Variants in MYH9 observed in about 807,000 individuals in gnomAD.
MYH9 encodes myosin-9.
A neutral mutation model predicts 241.9 loss-of-function variants in MYH9; 29 were observed. The observed-to-expected ratio is 0.12, with a 90% confidence interval of 0.09 to 0.16. The LOEUF is 0.16. MYH9 is among the 10% of genes least tolerant of loss of function. The pLI, the probability that MYH9 is intolerant of heterozygous loss-of-function variation, is 1.00. For synonymous variants in MYH9, 1,047 were observed against 1,062.6 expected (o/e 0.99, Z 0.29); for missense variants, 1,803 against 2,595.5 (o/e 0.69, Z 6.63).
rs149663189 is a variant in MYH9, at chr22:36,284,141, G to A, written c.5717C>T (p.Thr1906Met). 2.0e-5 allele frequency: 33 copies of A among 1,614,078 alleles called. No homozygotes were observed. Among genetic ancestry groups the A allele is most frequent in the Admixed American group, 5.0e-5 (3 of 60,018 alleles). Residue 1906 changes from threonine (T) to methionine (M), a missense_variant, in exon 40 of 41, where the codon ACG (threonine) becomes ATG (methionine). Physicochemically the swap from Thr to Met is moderately conservative, Grantham distance 81. Coordinates refer to ENST00000216181, the MANE Select transcript of MYH9 (RefSeq NM_002473.6). ...GACTTCGCGGTTCATGGCATCGGCC[G>A]TCTCAGTGGCGTCCTCCAGCTCGCG... ...LQRELEDATETADAMNREVSS... is the reference protein window; with the variant it reads ...LQRELEDATEMADAMNREVSS...
At chr22:36,365,070 G>C (rs532186820) in intron 1 of MYH9, 1 of 125,506 alleles carries the variant, frequency 8.0e-6, no homozygotes, top group Non-Finnish European at 1.6e-5. Context: ...GACAAAATAA[G>C]CTCCCAGAGC....
rs143269195 is a variant in MYH9 at position 36,288,770 on chromosome 22, C to T, written c.4727G>A (p.Arg1576Gln). Residue 1576 changes from arginine to glutamine, a missense_variant, in exon 33 of 41, where the codon CGG (arginine) becomes CAG (glutamine). Arg to Gln is a conservative substitution (Grantham distance 43, BLOSUM62 1). Transcript: ENST00000216181. The surrounding 1 kb of genome is among the most constrained non-coding windows in gnomAD (Gnocchi z 4.8). ...CTTCTTCTCCTCGCTCTGCTCGTCC[C>T]GGCCCTGCAGGTCCCGCTCGAACTG... ...KAQFERDLQG[R>Q]DEQSEEKKKQ... is the part of the protein sequence containing the mutation. The T allele has an allele frequency of 8.4e-4, 1,355 of 1,609,764 alleles. 18 individuals are homozygous for T. The highest frequency in any genetic ancestry group is 1.8e-4 in the Non-Finnish European group (215 of 1,179,992).
chr22:36,330,879 G>T lies in MYH9; in HGVS notation c.491-3391C>A, dbSNP rs1405274741. ...CCCCCTGCCAGATGAAAGTCTAGCC[G>T]TGGTAGGCGCCTGAACCCACTGCCC... On this transcript the variant is annotated intron_variant, in intron 3 of 40. Coordinates refer to ENST00000216181, the MANE Select transcript of MYH9 (RefSeq NM_002473.6). This position sits in a 1 kb window ranked among gnomAD's most constrained non-coding sequence, Gnocchi z 4.5. 6.6e-6 allele frequency among the ~76,000 whole-genome samples: 1 copy of T among 152,130 alleles called. No individual in the cohort carries two copies. Among genetic ancestry groups the T allele is most frequent in the African/African-American group, 2.4e-5 (1 of 41,430 alleles).
chr22:36,384,612 ATATATATATATATATATATAT>A (rs1419026992), intron 1 of MYH9, among the ~76,000 whole-genome samples: 2 of 9,280 alleles, frequency 2.2e-4, no homozygotes, highest in African/African-American at 3.3e-4. Context: ...AAAAAAAAAA[ATATATATATATATATATATAT>A]ATATATATAT....
chr22:36,291,415 C>T (rs1263067802), intron 31 of MYH9, among the ~76,000 whole-genome samples: 2 of 151,840 alleles, frequency 1.3e-5, no homozygotes, highest in Non-Finnish European at 2.9e-5. Context: ...GTGCTGTGTC[C>T]ACTCAGGGTT....
rs1053568365 is a variant in MYH9, at chr22:36,295,201, A to G, written c.3486-125T>C. On this transcript the variant is annotated intron_variant, in intron 26 of 40. Transcript: ENST00000216181. The surrounding 1 kb of genome is among the most constrained non-coding windows in gnomAD (Gnocchi z 4.1). ...GGCACTCCAGGCAGCTTTTCTACCC[A>G]CCGGCCCCTCCTAGCCATCTATCCC... The G allele has an allele frequency of 3.1e-6, 4 of 1,299,868 alleles. No individual in the cohort carries two copies. In the African/African-American group the frequency reaches 4.4e-5, roughly 14 times the overall value. 80.5% of individuals were successfully genotyped at this position (1,299,868 alleles called of 1,614,324 possible). A position where few individuals can be genotyped will look rare whatever the true frequency, so the allele number is the denominator to read the frequency against.
At chr22:36,304,218 G>C in intron 18 of MYH9, 63 bp from the exon 19 acceptor site, 1 of 1,574,730 alleles carries the variant, frequency 6.4e-7, no homozygotes, top group Admixed American at 1.7e-5. Flanking sequence ...TGAAAGGGTG[G>C]CCCAGGCACA....
At chr22:36,345,520 T>A (rs6000243) in intron 2 of MYH9, among the ~76,000 whole-genome samples, 1 of 152,048 alleles carries the variant, frequency 6.6e-6, no homozygotes, top group Non-Finnish European at 1.5e-5. Context: ...ACATAAGCTA[T>A]AAAGCCTGCC....
intron 3 of MYH9, among the ~76,000 whole-genome samples, chr22:36,336,828 C>G (rs191951998): frequency 9.6e-4 from 146 of 152,346 alleles, no homozygotes; most frequent in African/African-American, 3.2e-3. Context: ...TGTTTTGTAG[C>G]TAGGGCCACA....
At chr22:36,342,314 C>T (rs1410310449) in intron 2 of MYH9, among the ~76,000 whole-genome samples, 1 of 152,148 alleles carries the variant, frequency 6.6e-6, no homozygotes, top group Non-Finnish European at 1.5e-5. Flanking sequence ...GGTTCTTAAC[C>T]TCTCTCCCCC....
chr22:36,349,351 G>A, intron 1 of MYH9, 96 bp from the exon 2 acceptor site: 1 of 897,016 alleles, frequency 1.1e-6, no homozygotes, highest in Non-Finnish European at 1.8e-6. Flanking sequence ...AAACTGTATA[G>A]GATTAAGACA....
intron 1 of MYH9, among the ~76,000 whole-genome samples, chr22:36,386,470 G>A (rs753415596): frequency 2.6e-5 from 4 of 152,232 alleles, no homozygotes; most frequent in African/African-American, 9.6e-5. Flanking sequence ...CCCAGACAGT[G>A]TAGTTAGAAT....
Position 36,293,193 on chromosome 22 carries a change from A to T in MYH9, c.4095+136T>A. On this transcript the variant is annotated intron_variant, in intron 30 of 40. Coordinates refer to ENST00000216181, the MANE Select transcript of MYH9 (RefSeq NM_002473.6). The surrounding 1 kb of genome is among the most constrained non-coding windows in gnomAD (Gnocchi z 5.1). ...TTCCTTGAGAGCACTGATGTGGGAG[A>T]GCACGGTTGGCTTCCCAGGGGGAGA... 1 of 1,048,244 alleles carries T rather than the reference A, an allele frequency of 9.5e-7. No homozygotes were observed. Among genetic ancestry groups the T allele is most frequent in the Middle Eastern group, 3.0e-4 (1 of 3,310 alleles). 64.9% of individuals were successfully genotyped at this position (1,048,244 alleles called of 1,614,324 possible). A position where few individuals can be genotyped will look rare whatever the true frequency, so the allele number is the denominator to read the frequency against.
chr22:36,309,270 C>T lies in MYH9; in HGVS notation c.1843+12G>A. ...CCAAGAGGAGGCAGGGGGCGAAGGG[C>T]AAAGGGCGTACCATCCTTCCACAGC... is the stretch of plus-strand genomic sequence containing the variant. On this transcript the variant is annotated intron_variant, in intron 15 of 40. Transcript: ENST00000216181. 1.2e-6 allele frequency: 2 copies of T among 1,611,210 alleles called. No individual in the cohort carries two copies. The highest frequency in any genetic ancestry group is 1.7e-6 in the Non-Finnish European group (2 of 1,177,364).
rs727503295 is a variant in MYH9 at position 36,348,891 on chromosome 22, G to A, written c.333+13C>T. On this transcript the variant is annotated intron_variant, in intron 2 of 40. Coordinates refer to ENST00000216181, the MANE Select transcript of MYH9 (RefSeq NM_002473.6). Reference sequence around the variant, plus strand: ...TCAGACCCAGCCTGCGGGGTGCCACGGCAGCCACTTACGTAGATGAGCCCT... The same window carrying A: ...TCAGACCCAGCCTGCGGGGTGCCACAGCAGCCACTTACGTAGATGAGCCCT... 13 of 1,553,178 alleles carry A rather than the reference G, an allele frequency of 8.4e-6. No individual in the cohort carries two copies. Among genetic ancestry groups the A allele is most frequent in the African/African-American group, 1.4e-5 (1 of 72,924 alleles).
intron 3 of MYH9, among the ~76,000 whole-genome samples, chr22:36,337,962 G>C (rs939517371): frequency 2.0e-5 from 3 of 151,770 alleles, no homozygotes; most frequent in African/African-American, 7.3e-5. Context: ...TTGCTTTGCA[G>C]GTCAGCTATA....
chr22:36,298,239 T>A (rs1288937631), intron 24 of MYH9, among the ~76,000 whole-genome samples: 2 of 151,962 alleles, frequency 1.3e-5, no homozygotes, highest in Non-Finnish European at 2.9e-5. Context: ...TAGTCGGGGT[T>A]CCCCTGTTCC....
At position 36,291,045 on chromosome 22, in the gene MYH9, G is replaced by A. The variant is rs866797605; in HGVS notation, c.4344+941C>T. ...TCTCCGCCCGGCAGCCACCCCATCC[G>A]GGAGGGAGGTGGGGGGGTCAGCCCC... On this transcript the variant is annotated intron_variant, in intron 31 of 40. Coordinates refer to ENST00000216181, the MANE Select transcript of MYH9 (RefSeq NM_002473.6). Among the ~76,000 whole-genome samples, 1,155 of 150,756 alleles carry A rather than the reference G, an allele frequency of 7.7e-3. 9 individuals are homozygous for A. Among genetic ancestry groups the A allele is most frequent in the Middle Eastern group, 0.021 (6 of 288 alleles).
At position 36,306,744 on chromosome 22, in the gene MYH9, T is replaced by G; in HGVS notation, c.1844-137A>C. The G allele has an allele frequency of 1.1e-6, 1 of 918,462 alleles. No homozygotes were observed. Among genetic ancestry groups the G allele is most frequent in the Admixed American group, 2.0e-5 (1 of 49,966 alleles). 56.9% of individuals were successfully genotyped at this position (918,462 alleles called of 1,614,324 possible). On this transcript the variant is annotated intron_variant, in intron 15 of 40. Coordinates refer to ENST00000216181, the MANE Select transcript of MYH9 (RefSeq NM_002473.6). The surrounding 1 kb of genome is among the most constrained non-coding windows in gnomAD (Gnocchi z 4.1). Reference sequence around the variant, plus strand: ...ATGAAACAACAGGACCCTTTCCAATTGGAGCCTACACTGGGTGCTAAGGTC... The same window carrying G: ...ATGAAACAACAGGACCCTTTCCAATGGGAGCCTACACTGGGTGCTAAGGTC...
Sources: gnomAD v4.1 joint callset for allele counts (sites outside exome capture counted in the v4.1 genomes callset) on GRCh38, gnomAD v4.1.1 for gene constraint, Gnocchi (gnomAD v3.1) non-coding constraint, MANE v1.5 for transcripts, NCBI Gene and HGNC (gene_info 2026-07-23, HGNC 2026-07-21) for gene names.